Variants in ESR1 observed in about 807,000 individuals in gnomAD.
The protein encoded by ESR1 is estrogen receptor.
In ESR1, 12 loss-of-function variants were observed where a neutral mutation model predicts 52.7. The observed-to-expected ratio is 0.23, with a 90% CI of 0.15 to 0.37. The LOEUF (loss-of-function observed/expected upper bound fraction) is 0.37. ESR1 is among the 10% of genes least tolerant of loss of function. The pLI, the probability that ESR1 is intolerant of heterozygous loss-of-function variation, is 1.00. For synonymous variants in ESR1, 305 were observed against 316.8 expected (o/e 0.96, Z 0.39); for missense variants, 584 against 779.7 (o/e 0.75, Z 2.99).
chr6:151,862,833 T>C (rs1789134043), intron 2 of ESR1, among the ~76,000 whole-genome samples: 2 of 152,054 alleles, frequency 1.3e-5, no homozygotes, highest in South Asian at 2.1e-4. Context: ...CTGTGAGTTG[T>C]AGGGAAATAA....
At chr6:151,721,167 T>G (rs1001087746) in intron 2 of ESR1, among the ~76,000 whole-genome samples, 1 of 152,218 alleles carries the variant, frequency 6.6e-6, no homozygotes, top group African/African-American at 2.4e-5. Context: ...AGCTGAATTT[T>G]AAAGGATTCA....
chr6:151,989,898 A>C (rs1052588369), intron 4 of ESR1, among the ~76,000 whole-genome samples: 1 of 152,072 alleles, frequency 6.6e-6, no homozygotes, highest in East Asian at 1.9e-4. Context: ...GTGTTAGCCT[A>C]TCTGTTTCTG....
chr6:152,108,285 T>G (rs2051091478), intron 6 of ESR1, among the ~76,000 whole-genome samples: 1 of 152,184 alleles, frequency 6.6e-6, no homozygotes, highest in Non-Finnish European at 1.5e-5. Context: ...CTGTCGGTCC[T>G]TCTACCTGCC....
Position 152,021,444 on chromosome 6 carries a change from CCTGA to C in ESR1, c.1235+9653_1235+9656del, listed in dbSNP as rs145577079. 2.0e-3 allele frequency among the ~76,000 whole-genome samples: 298 copies of C among 152,166 alleles called. 1 individual carries two copies. The highest frequency in any genetic ancestry group is 3.5e-3 in the Non-Finnish European group (240 of 68,012). ...TATTAGTTCTGTCCCTCTAGAGAAC[CCTGA>C]CTAATACACCCAGTGTGTTCTTTTA... On this transcript the variant is annotated intron_variant, in intron 5 of 7. Coordinates refer to ENST00000206249, the MANE Select transcript of ESR1 (RefSeq NM_000125.4).
intron 2 of ESR1, among the ~76,000 whole-genome samples, chr6:151,782,271 A>G (rs77619710): frequency 0.029 from 4,396 of 152,324 alleles, 194 homozygotes; most frequent in African/African-American, 0.099. Flanking sequence ...CATCATGTAA[A>G]AATATGAAAT....
intron 5 of ESR1, among the ~76,000 whole-genome samples, chr6:152,058,014 A>G (rs953474038): frequency 9.2e-5 from 14 of 152,196 alleles, no homozygotes; most frequent in African/African-American, 3.4e-4. Context: ...TTTTGCTCAC[A>G]GCAGGTGAAC....
intron 2 of ESR1, 93 bp from the exon 3 acceptor site, chr6:151,880,562 G>A: frequency 1.2e-6 from 1 of 814,088 alleles, no homozygotes; most frequent in South Asian, 1.3e-5. Flanking sequence ...CTGAGGAAGT[G>A]ATAGGAAAAC....
At chr6:151,992,567 G>A (rs2041125458) in intron 4 of ESR1, among the ~76,000 whole-genome samples, 1 of 152,162 alleles carries the variant, frequency 6.6e-6, no homozygotes, top group Non-Finnish European at 1.5e-5. Context: ...GAAAGAAATA[G>A]GATGTCATAT....
At chr6:151,941,510 T>C (rs954856029) in intron 3 of ESR1, among the ~76,000 whole-genome samples, 2 of 151,998 alleles carry the variant, frequency 1.3e-5, no homozygotes, top group African/African-American at 4.8e-5. Flanking sequence ...TGACATTTTT[T>C]CTCTGGTGTC....
chr6:151,868,825 C>T (rs888947183), intron 2 of ESR1, among the ~76,000 whole-genome samples: 2 of 152,042 alleles, frequency 1.3e-5, no homozygotes, highest in Non-Finnish European at 2.9e-5. Flanking sequence ...TATCAGGATA[C>T]CTGGGAGGAA....
chr6:151,680,128 C>G (rs978923769), intron 1 of ESR1, among the ~76,000 whole-genome samples: 13 of 151,954 alleles, frequency 8.6e-5, no homozygotes, highest in African/African-American at 3.1e-4. Context: ...AATCTGAGAT[C>G]AGGGTGCCAG....
chr6:151,771,028 T>C (rs1785469215), intron 2 of ESR1, among the ~76,000 whole-genome samples: 1 of 152,220 alleles, frequency 6.6e-6, no homozygotes, highest in African/African-American at 2.4e-5. Context: ...ACCAGCAGCA[T>C]GGTGGATTAC....
chr6:151,861,699 T>G (rs183010361), intron 2 of ESR1, among the ~76,000 whole-genome samples: 30 of 152,316 alleles, frequency 2.0e-4, no homozygotes, highest in Non-Finnish European at 3.7e-4. Flanking sequence ...ACTGTAATTC[T>G]TGGTTGTTTA....
chr6:151,781,475 C>T (rs1055854961), intron 2 of ESR1, among the ~76,000 whole-genome samples: 1 of 152,242 alleles, frequency 6.6e-6, no homozygotes, highest in East Asian at 1.9e-4. Context: ...TACATTTCAA[C>T]ATGAGCTTTG....
At chr6:151,960,052 G>A (rs2037471050) in intron 4 of ESR1, among the ~76,000 whole-genome samples, 1 of 152,136 alleles carries the variant, frequency 6.6e-6, no homozygotes, top group African/African-American at 2.4e-5. Flanking sequence ...ACTGGTGTTA[G>A]GGGTAGGTCT....
chr6:151,876,904 G>A (rs1791918005), intron 2 of ESR1, among the ~76,000 whole-genome samples: 1 of 151,844 alleles, frequency 6.6e-6, no homozygotes, highest in Non-Finnish European at 1.5e-5. Context: ...GTTCATCCGG[G>A]CCTGCACAGA....
intron 5 of ESR1, among the ~76,000 whole-genome samples, chr6:152,057,940 T>C (rs766561264): frequency 2.0e-5 from 3 of 152,050 alleles, no homozygotes; most frequent in Non-Finnish European, 2.9e-5. Flanking sequence ...TGGGAGACGA[T>C]TGAAAAAGGA....
intron 1 of ESR1, among the ~76,000 whole-genome samples, chr6:151,827,718 A>G (rs1453641141): frequency 6.6e-6 from 1 of 152,208 alleles, no homozygotes; most frequent in Non-Finnish European, 1.5e-5. Flanking sequence ...GTTTGTATTG[A>G]TTCGCACTTT....
intron 6 of ESR1, among the ~76,000 whole-genome samples, chr6:152,090,547 A>T (rs2050097711): frequency 6.6e-6 from 1 of 152,208 alleles, no homozygotes; most frequent in Admixed American, 6.5e-5. Context: ...GGGGACCCCT[A>T]GTTGTACTAG....
Sources: allele counts gnomAD v4.1 joint callset (sites outside exome capture counted in the v4.1 genomes callset), GRCh38; gene constraint gnomAD v4.1.1; transcripts MANE v1.5; gene names NCBI Gene and HGNC (gene_info 2026-07-23, HGNC 2026-07-21).